MAP3K1: variants seen among roughly 807,000 people sequenced by gnomAD.
MAP3K1 encodes mitogen-activated protein kinase kinase kinase 1, also known as MAP/ERK kinase kinase 1.
Under a neutral mutation model 144.2 loss-of-function variants are expected in MAP3K1, and 36 were observed. That is an observed-to-expected ratio of 0.25 (90% CI 0.19 to 0.33). The LOEUF is 0.33. Ranked by LOEUF, MAP3K1 falls within the 10% of genes least tolerant of loss-of-function variation. The probability of loss-of-function intolerance (pLI) is 1.00; values close to 1 mark genes in which losing one functional copy is unlikely to be tolerated. For missense variants in MAP3K1, 1,650 were observed against 1,881.9 expected (o/e 0.88, Z 2.28); for synonymous variants, 718 against 688.7 (o/e 1.04, Z -0.67).
intron 1 of MAP3K1, among the ~76,000 whole-genome samples, chr5:56,855,634 C>T (rs1747322125): frequency 6.6e-6 from 1 of 152,034 alleles, no homozygotes; most frequent in Non-Finnish European, 1.5e-5. Flanking sequence ...CTGGAAAATT[C>T]CTAGAGGAGT....
chr5:56,841,217 C>G (rs1746804849), intron 1 of MAP3K1, among the ~76,000 whole-genome samples: 1 of 133,124 alleles, frequency 7.5e-6, no homozygotes, highest in Admixed American at 7.2e-5. Flanking sequence ...AAAAAAAAAA[C>G]TAGACAGGTT....
chr5:56,821,057 A>G (rs1746139905), intron 1 of MAP3K1, among the ~76,000 whole-genome samples: 1 of 152,182 alleles, frequency 6.6e-6, no homozygotes, highest in Non-Finnish European at 1.5e-5. Flanking sequence ...TGTCTTTATT[A>G]TTAGTAACAG....
intron 2 of MAP3K1, among the ~76,000 whole-genome samples, chr5:56,857,458 C>T (rs1040697716): frequency 1.3e-5 from 2 of 152,074 alleles, no homozygotes; most frequent in East Asian, 3.9e-4. Flanking sequence ...AGTATCCTAG[C>T]ACTAATCTCT....
At chr5:56,868,423 C>T (rs1313189997) in intron 6 of MAP3K1, among the ~76,000 whole-genome samples, 3 of 152,046 alleles carry the variant, frequency 2.0e-5, no homozygotes, top group Non-Finnish European at 4.4e-5. Context: ...CTCTCTCTGT[C>T]ACCCAGGCTG....
At chr5:56,859,303 C>T (rs1435333812) in intron 2 of MAP3K1, among the ~76,000 whole-genome samples, 1 of 151,954 alleles carries the variant, frequency 6.6e-6, no homozygotes, top group Non-Finnish European at 1.5e-5. Flanking sequence ...CAAATAAAAA[C>T]GTACCTAGAT....
intron 10 of MAP3K1, among the ~76,000 whole-genome samples, chr5:56,875,792 T>C (rs1023531773): frequency 1.3e-5 from 2 of 152,220 alleles, no homozygotes; most frequent in African/African-American, 4.8e-5. Flanking sequence ...TGTTCATATC[T>C]GTACATTTTT....
chr5:56,850,069 G>A lies in MAP3K1; in HGVS notation c.483-6531G>A, dbSNP rs146327457. 5.9e-4 allele frequency among the ~76,000 whole-genome samples: 90 copies of A among 152,268 alleles called. 2 individuals are homozygous for A. In the East Asian group the frequency reaches 0.011, roughly 18 times the overall value. On this transcript the variant is annotated intron_variant, in intron 1 of 19. Coordinates refer to ENST00000399503, the MANE Select transcript of MAP3K1 (RefSeq NM_005921.2). ...ATTGTCAGCCTTTCTGTTTCATTATGCTCTCCCTATCCTCAGTTTAAGTCA... is the reference window on the plus strand; with the variant it reads ...ATTGTCAGCCTTTCTGTTTCATTATACTCTCCCTATCCTCAGTTTAAGTCA...
At chr5:56,884,351 GA>G (rs1748314124) in intron 15 of MAP3K1, among the ~76,000 whole-genome samples, 1 of 152,092 alleles carries the variant, frequency 6.6e-6, no homozygotes, top group Admixed American at 6.6e-5. Flanking sequence ...ATCAGGATAG[GA>G]AAATTATTAA....
Position 56,872,735 on chromosome 5 carries a change from A to G in MAP3K1, c.1505+13A>G. On this transcript the variant is annotated intron_variant, in intron 8 of 19. Transcript: ENST00000399503. Reference sequence around the variant, plus strand: ...ATGATTTCTACAGGTAATAATTTTGAAATGATACGGATATGTTTAATTTTT... The same window carrying G: ...ATGATTTCTACAGGTAATAATTTTGGAATGATACGGATATGTTTAATTTTT... 6.3e-7 allele frequency: 1 copy of G among 1,596,986 alleles called. No homozygotes were observed. The highest frequency in any genetic ancestry group is 8.6e-7 in the Non-Finnish European group (1 of 1,164,564).
intron 6 of MAP3K1, among the ~76,000 whole-genome samples, chr5:56,866,629 GT>G (rs2111896549): frequency 6.6e-6 from 1 of 152,258 alleles, no homozygotes; most frequent in Non-Finnish European, 1.5e-5. Flanking sequence ...CACCTTCTAT[GT>G]TATTCCCGAA....
In MAP3K1 at chr5:56,893,632, T is replaced by C. The variant is rs140786199; in HGVS notation, c.4491T>C (p.Pro1497=). 124 of 1,613,940 alleles carry C rather than the reference T, an allele frequency of 7.7e-5. No individual in the cohort carries two copies. In the African/African-American group the frequency reaches 1.5e-3, roughly 19 times the overall value. Residue 1497 remains proline, a synonymous_variant, in exon 20 of 20, where the codon CCT becomes CCC. Coordinates refer to ENST00000399503, the MANE Select transcript of MAP3K1 (RefSeq NM_005921.2). Reference sequence around the variant, plus strand: ...TAGAACTTCAACCTCAGGACAGACCTCCATCAAGAGAGCTACTGAAGCATC... The same window carrying C: ...TAGAACTTCAACCTCAGGACAGACCCCCATCAAGAGAGCTACTGAAGCATC... ...RCLELQPQDR[P]PSRELLKHPV...
intron 6 of MAP3K1, among the ~76,000 whole-genome samples, chr5:56,867,391 CT>C (rs1207586395): frequency 2.5e-4 from 38 of 151,978 alleles, no homozygotes; most frequent in Non-Finnish European, 4.4e-5. Context: ...GGAAATTTAT[CT>C]GGAGGTCTGA....
intron 10 of MAP3K1, among the ~76,000 whole-genome samples, chr5:56,877,550 G>C (rs1009272760): frequency 6.8e-6 from 1 of 146,142 alleles, no homozygotes; most frequent in African/African-American, 2.5e-5. Context: ...TGAATCGTTT[G>C]AGAGTTTTTT....
At chr5:56,826,602 C>A (rs1201770959) in intron 1 of MAP3K1, among the ~76,000 whole-genome samples, 3 of 152,200 alleles carry the variant, frequency 2.0e-5, no homozygotes, top group Admixed American at 2.0e-4. Context: ...AGCTTGATGA[C>A]GATGTAAGCA....
At chr5:56,879,639 G>A (rs188935613) in intron 11 of MAP3K1, among the ~76,000 whole-genome samples, 2 of 152,180 alleles carry the variant, frequency 1.3e-5, no homozygotes, top group Admixed American at 1.3e-4. Flanking sequence ...ACCCTAACTG[G>A]AAAGAAAAAT....
At chr5:56,833,751 T>C (rs557800016) in intron 1 of MAP3K1, among the ~76,000 whole-genome samples, 1 of 152,312 alleles carries the variant, frequency 6.6e-6, no homozygotes, top group African/African-American at 2.4e-5. Context: ...ATTAAAAGAA[T>C]TAATTATTCT....
In MAP3K1 at chr5:56,887,666, T is replaced by G. The variant is rs868630087; in HGVS notation, c.4257+146T>G. ...TTAAAATACGGTTTTAATAATATCT[T>G]TCAGACCCTTATTCTCGACCTTTCT... On this transcript the variant is annotated intron_variant, in intron 18 of 19. Transcript: ENST00000399503. 7.1e-6 allele frequency: 6 copies of G among 849,598 alleles called. No individual in the cohort carries two copies. The Middle Eastern group carries it at 1.5e-3, about 218-fold the overall frequency. 52.6% of individuals were successfully genotyped at this position (849,598 alleles called of 1,614,324 possible).
chr5:56,833,147 G>A (rs754363504), intron 1 of MAP3K1, among the ~76,000 whole-genome samples: 1 of 152,210 alleles, frequency 6.6e-6, no homozygotes, highest in Non-Finnish European at 1.5e-5. Context: ...TGGGATTACA[G>A]GCGTGAGCCA....
At chr5:56,888,127 G>T in intron 18 of MAP3K1, 99 bp from the exon 19 acceptor site, 1 of 1,101,650 alleles carries the variant, frequency 9.1e-7, no homozygotes, top group Non-Finnish European at 1.4e-6. Flanking sequence ...GTTTGTACCA[G>T]TTTTCTCCCT....
Sources: gnomAD v4.1 joint callset for allele counts (sites outside exome capture counted in the v4.1 genomes callset) on GRCh38, gnomAD v4.1.1 for gene constraint, MANE v1.5 for transcripts, NCBI Gene and HGNC (gene_info 2026-07-23, HGNC 2026-07-21) for gene names.